Variants in HECW1 observed in about 807,000 individuals in gnomAD.
The protein encoded by HECW1 is HECT, C2 and WW domain containing E3 ubiquitin protein ligase 1, also known as E3 ubiquitin-protein ligase HECW1.
HECW1 carries 61 observed loss-of-function variants against 182.3 expected under a neutral mutation model. That is an observed-to-expected ratio of 0.33 (90% CI 0.27 to 0.41). HECW1 has a LOEUF of 0.41. Ranked by LOEUF, HECW1 falls within the 10% of genes least tolerant of loss-of-function variation. HECW1 has a pLI of 1.00. For synonymous variants in HECW1, 859 were observed against 832.6 expected, an observed-to-expected ratio of 1.03 and a Z score of -0.55; for missense variants, 1,739 against 2,108.9, an observed-to-expected ratio of 0.82 and a Z score of 3.44.
At chr7:43,480,453 T>C (rs2078384639) in intron 17 of HECW1, among the ~76,000 whole-genome samples, 1 of 152,156 alleles carries the variant, frequency 6.6e-6, no homozygotes, top group Non-Finnish European at 1.5e-5. Flanking sequence ...CAAGTATCTG[T>C]GCCTTCTTTT....
At chr7:43,501,383 G>A (rs1273396905) in intron 21 of HECW1, 61 bp downstream of exon 21, 17 of 952,214 alleles carry the variant, frequency 1.8e-5, no homozygotes, top group Non-Finnish European at 2.9e-5. Context: ...CTCCAGTGAA[G>A]GTGAATGAAA....
intron 2 of HECW1, among the ~76,000 whole-genome samples, chr7:43,185,047 T>C (rs1039770303): frequency 4.0e-5 from 6 of 151,794 alleles, no homozygotes; most frequent in African/African-American, 1.2e-4. Flanking sequence ...ACCTCCAACA[T>C]TGGGGATTAC....
At chr7:43,270,705 A>T (rs190935231) in intron 3 of HECW1, among the ~76,000 whole-genome samples, 4 of 152,356 alleles carry the variant, frequency 2.6e-5, no homozygotes, top group Admixed American at 1.3e-4. Flanking sequence ...GCATTTGCAG[A>T]TGTTTAATTA....
At chr7:43,555,915 T>A (rs1585293683) in intron 29 of HECW1, among the ~76,000 whole-genome samples, 1 of 152,142 alleles carries the variant, frequency 6.6e-6, no homozygotes, top group African/African-American at 2.4e-5. Context: ...AGTTGAATGA[T>A]GATTTCAAGA....
intron 8 of HECW1, among the ~76,000 whole-genome samples, chr7:43,436,439 G>A (rs548884496): frequency 1.3e-5 from 2 of 152,238 alleles, no homozygotes; most frequent in South Asian, 2.1e-4. Context: ...TCACCTGGGC[G>A]CAGGCAGGCT....
At chr7:43,336,124 T>TCTCTCTCTCTCTCTCTCTCTC (rs1812181848) in intron 5 of HECW1, among the ~76,000 whole-genome samples, 1 of 64,248 alleles carries the variant, frequency 1.6e-5, no homozygotes, top group African/African-American at 7.3e-5. Flanking sequence ...CTTTCTTTCT[T>TCTCTCTCTCTCTCTCTCTCTC]TCTCTCTCTC....
chr7:43,554,896 C>A, intron 29 of HECW1, 106 bp downstream of exon 29: 1 of 1,017,280 alleles, frequency 9.8e-7, no homozygotes, highest in Non-Finnish European at 1.5e-6. Context: ...TCTTTCCTGT[C>A]ACCCAAAGTA....
At position 43,488,368 on chromosome 7, in the gene HECW1, AAGGAAGGAAGGAAGGAAGGAAG is replaced by A. The variant is rs1447262712; in HGVS notation, c.3235-3706_3235-3685del. Among the ~76,000 whole-genome samples the A allele has an allele frequency of 4.6e-3, 623 of 134,722 alleles. 22 individuals are homozygous for A. The highest frequency in any genetic ancestry group is 7.7e-3 in the Non-Finnish European group (482 of 62,916). The allele number at this position is 134,722 out of a possible 152,430, so 88.4% of individuals were successfully genotyped here. On this transcript the variant is annotated intron_variant, in intron 17 of 29. Transcript: ENST00000395891. ...GAAGGAAGGAAGGAAGGAAGGAAGG[AAGGAAGGAAGGAAGGAAGGAAG>A]GAAGGAAGGAAATGAAAGAAAGAGA...
At chr7:43,364,098 C>G (rs1303902397) in intron 6 of HECW1, among the ~76,000 whole-genome samples, 1 of 152,106 alleles carries the variant, frequency 6.6e-6, no homozygotes. Context: ...TGTGTATTGC[C>G]ATTATATCAT....
intron 4 of HECW1, among the ~76,000 whole-genome samples, chr7:43,319,609 T>C (rs1006735817): frequency 8.3e-5 from 9 of 108,866 alleles, no homozygotes; most frequent in Admixed American, 6.3e-4. Flanking sequence ...TTCTTTTTTT[T>C]TTTTTTTTTT....
At chr7:43,216,233 C>T (rs1174443937) in intron 2 of HECW1, among the ~76,000 whole-genome samples, 2 of 151,990 alleles carry the variant, frequency 1.3e-5, no homozygotes, top group Non-Finnish European at 2.9e-5. Flanking sequence ...GCAACCTTCG[C>T]CTTCTGGGTT....
intron 17 of HECW1, among the ~76,000 whole-genome samples, chr7:43,481,336 C>T (rs994437845): frequency 5.3e-5 from 8 of 152,168 alleles, no homozygotes; most frequent in Non-Finnish European, 1.2e-4. Context: ...AAAGTTCAAG[C>T]TCTTTAATCT....
rs140429273 is a variant in HECW1, at chr7:43,197,772, G to A, written c.-31-46103G>A. Among the ~76,000 whole-genome samples the A allele has an allele frequency of 6.0e-3, 907 of 152,100 alleles. 11 individuals are homozygous for A. Among genetic ancestry groups the A allele is most frequent in the Non-Finnish European group, 7.2e-3 (487 of 67,986 alleles). ...CGCTTCCAGGACTGGCAACATAACC[G>A]TGGCCCCAGTGACAAAGGAAAATGC... On this transcript the variant is annotated intron_variant, in intron 2 of 29. Transcript: ENST00000395891.
At position 43,444,688 on chromosome 7, in the gene HECW1, C is replaced by G. The variant is rs1562984155; in HGVS notation, c.1516C>G (p.Gln506Glu). Reference protein sequence around the residue: ...RAGREEEEKEQEEEGDVSTLE... With the variant: ...RAGREEEEKEEEEEGDVSTLE... ...TGGAAGGGAAGAAGAGGAGAAGGAG[C>G]AGGAGGAGGAGGGAGATGTGTCTAC... The change falls in exon 11 of 30, where the codon CAG becomes GAG. Residue 506 changes from glutamine to glutamate, a missense_variant. By Grantham distance (29) the Gln-to-Glu change is conservative (BLOSUM62 2). This residue lies in a region of HECW1 where 971 missense variants were observed against 1,029.1 expected (regional missense o/e 0.94). Coordinates refer to ENST00000395891, the MANE Select transcript of HECW1 (RefSeq NM_015052.5). This position sits in a 1 kb window ranked among gnomAD's most constrained non-coding sequence, Gnocchi z 4.3. 6.8e-6 allele frequency: 11 copies of G among 1,606,266 alleles called. No individual in the cohort carries two copies. Among genetic ancestry groups the G allele is most frequent in the Non-Finnish European group, 9.4e-6 (11 of 1,176,100 alleles).
At chr7:43,239,846 C>G (rs965373635) in intron 2 of HECW1, 27 of 152,202 alleles carry the variant, frequency 1.8e-4, no homozygotes, top group African/African-American at 6.0e-4. Flanking sequence ...AGGGACATGT[C>G]CCTCCCAGAA....
At chr7:43,195,925 G>A (rs1294118557) in intron 2 of HECW1, among the ~76,000 whole-genome samples, 1 of 152,114 alleles carries the variant, frequency 6.6e-6, no homozygotes, top group East Asian at 1.9e-4. Context: ...ACGGGGTGGT[G>A]GGTGTGTGAT....
At chr7:43,364,475 G>A (rs1307635855) in intron 6 of HECW1, among the ~76,000 whole-genome samples, 1 of 152,330 alleles carries the variant, frequency 6.6e-6, no homozygotes, top group East Asian at 1.9e-4. Context: ...ACTATATAAA[G>A]TCTCCAGTAC....
chr7:43,512,786 A>G, intron 24 of HECW1, among the ~76,000 whole-genome samples: 1 of 152,230 alleles, frequency 6.6e-6, no homozygotes, highest in African/African-American at 2.4e-5. Context: ...TTACATGATT[A>G]TATTTTTTTA....
At chr7:43,488,410 A>AAG (rs3037087) in intron 17 of HECW1, among the ~76,000 whole-genome samples, 1 of 125,274 alleles carries the variant, frequency 8.0e-6, no homozygotes, top group Non-Finnish European at 1.7e-5. Context: ...AAATGAAAGA[A>AAG]AGAGAGAGAG....
Sources: gnomAD v4.1 joint callset for allele counts (sites outside exome capture counted in the v4.1 genomes callset) on GRCh38, gnomAD v4.1.1 for gene constraint, gnomAD v4.1.1 regional missense constraint, Gnocchi (gnomAD v3.1) non-coding constraint, MANE v1.5 for transcripts, NCBI Gene and HGNC (gene_info 2026-07-23, HGNC 2026-07-21) for gene names.